Variants in TARS1 observed in about 807,000 individuals in gnomAD.
TARS1 encodes threonyl-tRNA synthetase 1.
In TARS1, 57 loss-of-function variants were observed where a neutral mutation model predicts 97.7. The ratio of observed to expected loss-of-function variants is 0.58; its 90% CI spans 0.47 to 0.73. TARS1 has a LOEUF of 0.73. TARS1 is among the 30% of genes least tolerant of loss of function. The probability of loss-of-function intolerance (pLI) is 0.00; values close to 1 mark genes in which losing one functional copy is unlikely to be tolerated. For synonymous variants in TARS1, 312 were observed against 293.7 expected (o/e 1.06, Z -0.64); for missense variants, 806 against 888.3 (o/e 0.91, Z 1.18).
At chr5:33,455,872 T>C (rs1218919535) in intron 6 of TARS1, 130 bp from the exon 7 acceptor site, 5 of 991,168 alleles carry the variant, frequency 5.0e-6, no homozygotes, top group Non-Finnish European at 7.4e-6. Flanking sequence ...TAGCAAACCA[T>C]TCCTTCAACA....
In TARS1 at chr5:33,463,281, A is replaced by G. The variant is rs556743597; in HGVS notation, c.1836-472A>G. Among the ~76,000 whole-genome samples, 24 of 152,368 alleles carry G rather than the reference A, an allele frequency of 1.6e-4. 1 individual carries two copies. In the South Asian group the frequency reaches 4.8e-3, roughly 30 times the overall value. On this transcript the variant is annotated intron_variant, in intron 16 of 18. Coordinates refer to ENST00000265112, the MANE Select transcript of TARS1 (RefSeq NM_152295.5). ...GTAGTGAAAACTCTGATTTTTACCA[A>G]GTGCCATAACCAGTTATTATCAATT...
upstream of TARS1, chr5:33,440,893 G>A: frequency 1.6e-6 from 1 of 616,568 alleles, no homozygotes; most frequent in Non-Finnish European, 2.9e-6. Context: ...GAGGAGGGAG[G>A]GCCCGCCTTC....
chr5:33,453,176 A>T (rs1367025242), intron 3 of TARS1, 113 bp from the exon 4 acceptor site: 1 of 1,240,192 alleles, frequency 8.1e-7, no homozygotes, highest in African/African-American at 1.5e-5. Flanking sequence ...ATAGAGATAC[A>T]TCAATATAAA....
intron 4 of TARS1, 74 bp from the exon 5 acceptor site, chr5:33,454,871 C>A: frequency 6.4e-7 from 1 of 1,552,868 alleles, no homozygotes; most frequent in Non-Finnish European, 8.7e-7. Context: ...TCATCTGTCT[C>A]TTTCAGACAA....
chr5:33,452,522 C>A, intron 3 of TARS1: 1 of 952,622 alleles, frequency 1.0e-6, no homozygotes, highest in Non-Finnish European at 1.6e-6. Flanking sequence ...AGCTTTTACA[C>A]TCTGTGTGCT....
intron 17 of TARS1, 199 bp from the exon 18 acceptor site, chr5:33,466,672 C>A: frequency 2.5e-6 from 1 of 405,790 alleles, no homozygotes. Context: ...TACACATGAC[C>A]TGAGGTAATA....
rs200082745 is a variant in TARS1, at chr5:33,463,773, G to T, written c.1856G>T (p.Arg619Leu). ...GGKWPFWLSPRQVMVVPVGPT... is the reference protein window; with the variant it reads ...GGKWPFWLSPLQVMVVPVGPT... Reference sequence around the variant, plus strand: ...CAAAGGCCCTTTTGGCTGTCCCCTCGCCAGGTAATGGTAGTTCCAGTGGGA... The same window carrying T: ...CAAAGGCCCTTTTGGCTGTCCCCTCTCCAGGTAATGGTAGTTCCAGTGGGA... The change falls in exon 17 of 19, where the codon CGC (arginine) becomes CTC (leucine). Residue 619 changes from arginine to leucine, a missense_variant. By Grantham distance (102) the Arg-to-Leu change is moderately radical. This residue lies in a region of TARS1 where 446 missense variants were observed against 511.0 expected (regional missense o/e 0.87). Coordinates refer to ENST00000265112, the MANE Select transcript of TARS1 (RefSeq NM_152295.5). 2 of 1,612,240 alleles carry T rather than the reference G, an allele frequency of 1.2e-6. No homozygotes were observed. Among genetic ancestry groups the T allele is most frequent in the East Asian group, 2.2e-5 (1 of 44,856 alleles).
intron 3 of TARS1, among the ~76,000 whole-genome samples, chr5:33,449,445 C>CTTTCT (rs1741611130): frequency 2.9e-5 from 2 of 69,146 alleles, no homozygotes; most frequent in Admixed American, 4.1e-4. Flanking sequence ...TTTTTTCTTT[C>CTTTCT]TTTTTTTTTT....
At chr5:33,461,807 C>G in intron 14 of TARS1, 63 bp downstream of exon 14, 1 of 1,592,912 alleles carries the variant, frequency 6.3e-7, no homozygotes, top group East Asian at 2.2e-5. Context: ...GATACGACTT[C>G]GAAAAAAGTT....
intron 3 of TARS1, among the ~76,000 whole-genome samples, chr5:33,449,676 C>T (rs967136110): frequency 1.3e-5 from 2 of 151,778 alleles, no homozygotes; most frequent in Non-Finnish European, 2.9e-5. Flanking sequence ...AGGATGGTCT[C>T]GATCTCCTGA....
At chr5:33,463,134 A>G (rs1449380988) in intron 16 of TARS1, among the ~76,000 whole-genome samples, 2 of 152,352 alleles carry the variant, frequency 1.3e-5, no homozygotes, top group East Asian at 3.9e-4. Context: ...GCCTGATACA[A>G]CAGAACAACT....
In TARS1 at chr5:33,456,157, C is replaced by A; in HGVS notation, c.767C>A (p.Pro256His). The A allele has an allele frequency of 6.2e-7, 1 of 1,613,916 alleles. No homozygotes were observed. Among genetic ancestry groups the A allele is most frequent in the Non-Finnish European group, 8.5e-7 (1 of 1,179,948 alleles). Reference protein sequence around the residue: ...TPTTTVYRCGPLIDLCRGPHV... With the variant: ...TPTTTVYRCGHLIDLCRGPHV... ...TTTCATTTTATCTTTAGATGTGGCC[C>A]TTTGATAGATCTCTGCCGGGGTCCT... The change falls in exon 8 of 19, where the codon CCT becomes CAT. Residue 256 changes from proline to histidine, a missense_variant. This residue lies in a region of TARS1 where 356 missense variants were observed against 357.8 expected (regional missense o/e 0.99). Transcript: ENST00000265112.
chr5:33,462,319 A>G, intron 16 of TARS1, 116 bp downstream of exon 16: 1 of 914,268 alleles, frequency 1.1e-6, no homozygotes, highest in Non-Finnish European at 1.7e-6. Context: ...GGTTGCTTCT[A>G]ACTAACGACA....
Position 33,455,693 on chromosome 5 carries a change from G to T in TARS1, c.682G>T (p.Ala228Ser). 1 of 1,602,290 alleles carries T rather than the reference G, an allele frequency of 6.2e-7. No homozygotes were observed. The highest frequency in any genetic ancestry group is 1.1e-5 in the South Asian group (1 of 90,610). The change falls in exon 6 of 19, where the codon GCA (alanine) becomes TCA (serine). Residue 228 changes from alanine to serine, a missense_variant. Around this residue, in one of 3 missense-constraint regions of TARS1, gnomAD observed 356 missense variants for 357.8 expected, o/e 0.99. Coordinates refer to ENST00000265112, the MANE Select transcript of TARS1 (RefSeq NM_152295.5). ...GGAAGTTAAGAAAGAAACTTTACTGGCAATGTTTAAGGTAAATTGAACCAT... is the reference window on the plus strand; with the variant it reads ...GGAAGTTAAGAAAGAAACTTTACTGTCAATGTTTAAGGTAAATTGAACCAT... ...RLEVKKETLLAMFKYNKFKCR... is the reference protein window; with the variant it reads ...RLEVKKETLLSMFKYNKFKCR...
intron 16 of TARS1, among the ~76,000 whole-genome samples, chr5:33,462,734 T>C (rs1742353469): frequency 6.6e-6 from 1 of 152,224 alleles, no homozygotes; most frequent in Non-Finnish European, 1.5e-5. Context: ...CACATAACTT[T>C]CATCTTAATT....
chr5:33,443,474 T>C (rs1741243115), intron 1 of TARS1, among the ~76,000 whole-genome samples: 2 of 138,832 alleles, frequency 1.4e-5, no homozygotes, highest in South Asian at 2.6e-4. Context: ...AATTTTTCTT[T>C]CTTTTTTTTT....
Position 33,449,445 on chromosome 5 carries a change from C to CTTTTTTTTTTTTT in TARS1, c.329+727_329+739dup, listed in dbSNP as rs57691465. On this transcript the variant is annotated intron_variant, in intron 3 of 18. Transcript: ENST00000265112. ...AATAAAAATGATTCTTTTTTTCTTTCTTTTTTTTTTTTTTTTTTTTTTTTT... is the reference window on the plus strand; with the variant it reads ...AATAAAAATGATTCTTTTTTTCTTTCTTTTTTTTTTTTTTTTTTTTTTTTTTTTTTTTTTTTTT... Among the ~76,000 whole-genome samples, 285 of 69,164 alleles carry CTTTTTTTTTTTTT rather than the reference C, an allele frequency of 4.1e-3. 2 individuals carry two copies. The highest frequency in any genetic ancestry group is 5.3e-3 in the Non-Finnish European group (204 of 38,542). 45.4% of individuals were successfully genotyped at this position (69,164 alleles called of 152,430 possible). A position where few individuals can be genotyped will look rare whatever the true frequency, so the allele number is the denominator to read the frequency against.
chr5:33,459,061 T>C (rs1742170217), intron 10 of TARS1, among the ~76,000 whole-genome samples: 1 of 152,208 alleles, frequency 6.6e-6, no homozygotes, highest in Non-Finnish European at 1.5e-5. Context: ...ATATTCACAT[T>C]GGGCTATATT....
intron 17 of TARS1, among the ~76,000 whole-genome samples, chr5:33,465,760 A>G (rs1177401783): frequency 6.6e-6 from 1 of 152,216 alleles, no homozygotes; most frequent in Non-Finnish European, 1.5e-5. Flanking sequence ...TTTGACATAC[A>G]TAAATAACCC....
Sources: gnomAD v4.1 joint callset for allele counts (sites outside exome capture counted in the v4.1 genomes callset) on GRCh38, gnomAD v4.1.1 for gene constraint, gnomAD v4.1.1 regional missense constraint, MANE v1.5 for transcripts, NCBI Gene and HGNC (gene_info 2026-07-23, HGNC 2026-07-21) for gene names.